Variants in WAC observed in about 807,000 individuals in gnomAD.
WAC encodes WW domain containing adaptor with coiled-coil.
A neutral mutation model predicts 79.6 loss-of-function variants in WAC; 11 were observed. The ratio of observed to expected loss-of-function variants is 0.14; its 90% CI spans 0.09 to 0.23. WAC has a LOEUF of 0.23. Ranked by LOEUF, WAC falls within the 10% of genes least tolerant of loss-of-function variation. WAC has a pLI of 1.00. For missense variants in WAC, 728 were observed against 773.5 expected (o/e 0.94, Z 0.70); for synonymous variants, 304 against 276.9 (o/e 1.10, Z -0.97).
intron 4 of WAC, among the ~76,000 whole-genome samples, 200 bp downstream of exon 4, chr10:28,583,705 G>GAGTT (rs1303814640): frequency 6.6e-6 from 1 of 152,040 alleles, no homozygotes; most frequent in East Asian, 1.9e-4. Context: ...TGGAACTGAA[G>GAGTT]AGTTGTCAGA....
intron 8 of WAC, 47 bp from the exon 9 acceptor site, chr10:28,610,652 A>G: frequency 6.4e-7 from 1 of 1,556,736 alleles, no homozygotes; most frequent in East Asian, 2.3e-5. Flanking sequence ...CTAATGCCAC[A>G]TAAGCCTCTT....
At chr10:28,584,613 G>A (rs1237571757) in intron 4 of WAC, among the ~76,000 whole-genome samples, 1 of 152,102 alleles carries the variant, frequency 6.6e-6, no homozygotes, top group African/African-American at 2.4e-5. Context: ...CAAAGGTGTA[G>A]GTTGAGTCCA....
chr10:28,590,268 T>G (rs1245617637), intron 5 of WAC, among the ~76,000 whole-genome samples: 1 of 142,768 alleles, frequency 7.0e-6, no homozygotes, highest in Non-Finnish European at 1.5e-5. Flanking sequence ...GCCATCATGG[T>G]GCCACTACAC....
intron 3 of WAC, among the ~76,000 whole-genome samples, chr10:28,547,301 A>T (rs1215366772): frequency 6.6e-6 from 1 of 151,998 alleles, no homozygotes; most frequent in Non-Finnish European, 1.5e-5. Context: ...TTGGGAGGGC[A>T]AGGTGGGCGG....
rs201525095 is a variant in WAC, at chr10:28,558,572, T to TA, written c.274+22824dup. On this transcript the variant is annotated intron_variant, in intron 3 of 13. Coordinates refer to ENST00000354911, the MANE Select transcript of WAC (RefSeq NM_016628.5). Reference sequence around the variant, plus strand: ...AATCTATTTGTATAAATATAAATTGTAAAAAAAAATTATGTAAGTGAACCA... The same window carrying TA: ...AATCTATTTGTATAAATATAAATTGTAAAAAAAAAATTATGTAAGTGAACCA... Among the ~76,000 whole-genome samples the TA allele has an allele frequency of 4.5e-3, 690 of 151,822 alleles. 2 individuals carry two copies. Among genetic ancestry groups the TA allele is most frequent in the Non-Finnish European group, 6.6e-3 (447 of 67,918 alleles).
At chr10:28,591,518 T>C (rs933426702) in intron 6 of WAC, 3 of 152,218 alleles carry the variant, frequency 2.0e-5, no homozygotes, top group African/African-American at 4.8e-5. Context: ...TCTCCAAATT[T>C]GAAGCTTTAT....
chr10:28,617,083 A>C (rs1841502566), intron 12 of WAC, among the ~76,000 whole-genome samples: 1 of 151,996 alleles, frequency 6.6e-6, no homozygotes, highest in Admixed American at 6.6e-5. Flanking sequence ...ACTCTGTCTC[A>C]AAAAAACAAA....
chr10:28,578,469 A>G (rs1036223447), intron 3 of WAC, among the ~76,000 whole-genome samples: 10 of 152,286 alleles, frequency 6.6e-5, no homozygotes, highest in African/African-American at 2.4e-4. Context: ...CATAAATGCC[A>G]TAATATTTTG....
chr10:28,600,945 G>A (rs75515007), intron 7 of WAC, among the ~76,000 whole-genome samples: 3,138 of 151,878 alleles, frequency 0.021, 107 homozygotes, highest in African/African-American at 0.072. Flanking sequence ...AAAATTCACC[G>A]AGAATGGATC....
chr10:28,593,943 T>TG (rs1318373925), intron 6 of WAC, among the ~76,000 whole-genome samples: 1 of 152,124 alleles, frequency 6.6e-6, no homozygotes, highest in East Asian at 1.9e-4. Context: ...GTGAAGTAAT[T>TG]GTTATGGAAG....
intron 3 of WAC, among the ~76,000 whole-genome samples, chr10:28,571,711 C>A (rs1160358297): frequency 1.3e-5 from 2 of 152,166 alleles, no homozygotes; most frequent in Admixed American, 1.3e-4. Context: ...CATGTGGCTT[C>A]CAAAGTTGAA....
Position 28,610,804 on chromosome 10 carries a change from C to T in WAC, c.1271C>T (p.Ala424Val), listed in dbSNP as rs1168407323. The T allele has an allele frequency of 1.2e-6, 2 of 1,610,606 alleles. No homozygotes were observed. Among genetic ancestry groups the T allele is most frequent in the Non-Finnish European group, 1.7e-6 (2 of 1,179,080 alleles). ...FNITSLISQA[A>V]QLSTQAQPSN... is the part of the protein sequence containing the mutation. ...ATAACGTCTCTGATTTCTCAAGCTG[C>T]TCAGCTCTCTACACAAGGTATTCTT... Residue 424 changes from alanine to valine, a missense_variant, in exon 9 of 14, where the codon GCT (alanine) becomes GTT (valine). Coordinates refer to ENST00000354911, the MANE Select transcript of WAC (RefSeq NM_016628.5).
Position 28,617,722 on chromosome 10 carries a change from A to G in WAC, c.1812A>G (p.Glu604=), listed in dbSNP as rs1166071098. 1 of 1,599,044 alleles carries G rather than the reference A, an allele frequency of 6.3e-7. No individual in the cohort carries two copies. The highest frequency in any genetic ancestry group is 8.5e-7 in the Non-Finnish European group (1 of 1,175,420). ...TTCACATGTCCGAAATTTGTACTGA[A>G]TTAAAAAATTTAAGATCTTTAGTCC... ...GTIHMSEICT[E]LKNLRSLVRV... The change falls in exon 13 of 14, where the codon GAA becomes GAG. Residue 604 remains glutamate, a synonymous_variant. Coordinates refer to ENST00000354911, the MANE Select transcript of WAC (RefSeq NM_016628.5).
chr10:28,593,117 G>A (rs1048483104), intron 6 of WAC, among the ~76,000 whole-genome samples: 44 of 152,202 alleles, frequency 2.9e-4, no homozygotes, highest in Non-Finnish European at 8.8e-5. Flanking sequence ...GTGTTGAAAT[G>A]TAGTCATGTA....
chr10:28,576,591 A>G (rs576970685), intron 3 of WAC, among the ~76,000 whole-genome samples: 2 of 152,368 alleles, frequency 1.3e-5, no homozygotes, highest in African/African-American at 4.8e-5. Context: ...ATACAGTACA[A>G]TTTGCATAGC....
intron 6 of WAC, chr10:28,591,043 C>A: frequency 2.0e-6 from 1 of 494,584 alleles, no homozygotes; most frequent in Admixed American, 3.9e-5. Flanking sequence ...GTGTTTCCCA[C>A]TACACATTAT....
At chr10:28,600,994 G>T (rs1031925716) in intron 7 of WAC, among the ~76,000 whole-genome samples, 6 of 151,662 alleles carry the variant, frequency 4.0e-5, no homozygotes, top group Admixed American at 3.9e-4. Flanking sequence ...CGAGGCTCTT[G>T]GAAGAAAACA....
chr10:28,548,991 TG>T (rs1837517356), intron 3 of WAC, among the ~76,000 whole-genome samples: 1 of 152,138 alleles, frequency 6.6e-6, no homozygotes, highest in Non-Finnish European at 1.5e-5. Flanking sequence ...AAAAAACTCC[TG>T]GGCTCAAGTG....
chr10:28,545,884 C>T (rs896146601), intron 3 of WAC, among the ~76,000 whole-genome samples: 3 of 152,200 alleles, frequency 2.0e-5, no homozygotes, highest in Non-Finnish European at 4.4e-5. Flanking sequence ...CACCATAACA[C>T]CTCGTCTCTA....
Sources: allele counts gnomAD v4.1 joint callset (sites outside exome capture counted in the v4.1 genomes callset), GRCh38; gene constraint gnomAD v4.1.1; transcripts MANE v1.5; gene names NCBI Gene and HGNC (gene_info 2026-07-23, HGNC 2026-07-21).